Variants in YBEY observed in about 807,000 individuals in gnomAD.
YBEY encodes endoribonuclease YbeY.
YBEY carries 15 observed loss-of-function variants against 13.5 expected under a neutral mutation model. The ratio of observed to expected loss-of-function variants is 1.11; its 90% confidence interval spans 0.75 to 1.72. The LOEUF (loss-of-function observed/expected upper bound fraction) is 1.72, where lower values mean the gene tolerates loss of function less well. Among genes scored for constraint, YBEY ranks in the 40% most tolerant of loss-of-function variants. YBEY has a pLI of 0.00. For missense variants in YBEY, 244 were observed against 208.4 expected (o/e 1.17, Z -1.05); for synonymous variants, 101 against 83.1 (o/e 1.21, Z -1.17).
downstream of YBEY, chr21:46,297,799 C>T (rs1272976592): frequency 1.6e-6 from 2 of 1,221,546 alleles, no homozygotes; most frequent in Non-Finnish European, 2.0e-6. Flanking sequence ...GGTTCCGAGC[C>T]GTGGCATCGA....
At chr21:46,287,780 C>T (rs1245056863) in intron 2 of YBEY, among the ~76,000 whole-genome samples, 1 of 151,970 alleles carries the variant, frequency 6.6e-6, no homozygotes, top group Non-Finnish European at 1.5e-5. Context: ...CACCTGAGGT[C>T]AGGAGTTCGA....
intron 4 of YBEY, 58 bp from the exon 5 acceptor site, chr21:46,297,481 A>G (rs905800725): frequency 9.1e-6 from 12 of 1,317,540 alleles, no homozygotes; most frequent in Non-Finnish European, 1.2e-5. Flanking sequence ...AGGCGACCCC[A>G]GAGAGTGGGG....
rs28555547 is a variant in YBEY at position 46,292,520 on chromosome 21, C to T, written c.339+1058C>T. The stretch of plus-strand genomic sequence containing the variant: ...TAGATTAAATTCCTCCCGTGGTTAG[C>T]TTGGCCTGTGCCCGGGACTGAGTGG... On this transcript the variant is annotated intron_variant, in intron 3 of 4. Coordinates refer to ENST00000397701, the MANE Select transcript of YBEY (RefSeq NM_001314025.2). Among the ~76,000 whole-genome samples the T allele has an allele frequency of 3.3e-3, 506 of 151,844 alleles. 15 individuals are homozygous for T. The highest frequency in any genetic ancestry group is 5.5e-3 in the Non-Finnish European group (374 of 67,900).
chr21:46,291,308 T>A, intron 2 of YBEY, 26 bp from the exon 3 acceptor site: 2 of 1,613,526 alleles, frequency 1.2e-6, no homozygotes, highest in Non-Finnish European at 1.7e-6. Flanking sequence ...TCCTGTTCTC[T>A]AAGTCTACAT....
At chr21:46,295,859 C>T (rs940551730) in intron 3 of YBEY, among the ~76,000 whole-genome samples, 3 of 122,910 alleles carry the variant, frequency 2.4e-5, no homozygotes, top group Non-Finnish European at 5.0e-5. Context: ...TCTTCATATT[C>T]CATCCCCCCT....
chr21:46,297,732 A>G lies in YBEY; in HGVS notation c.*98A>G, dbSNP rs1415531698. The G allele has an allele frequency of 1.1e-5, 14 of 1,249,674 alleles. No homozygotes were observed. In the East Asian group the frequency reaches 4.1e-4, roughly 37 times the overall value. The allele number at this position is 1,249,674 out of a possible 1,614,324, so 77.4% of individuals were successfully genotyped here. On this transcript the variant is annotated 3_prime_UTR_variant, in exon 5 of 5. Coordinates refer to ENST00000397701, the MANE Select transcript of YBEY (RefSeq NM_001314025.2). ...AATAACGAATGAACGTACGAGGGGAACCTCCTCTTATTTCCTTCACGTTGC... is the reference window on the plus strand; with the variant it reads ...AATAACGAATGAACGTACGAGGGGAGCCTCCTCTTATTTCCTTCACGTTGC...
At chr21:46,311,119 G>A in the YBEY span, among the ~76,000 whole-genome samples, 1 of 151,976 alleles carries the variant, frequency 6.6e-6, no homozygotes, top group African/African-American at 2.4e-5. Context: ...TAATCCACCC[G>A]CCTCAGCCTC....
chr21:46,287,867 C>T (rs1446947665), intron 2 of YBEY, among the ~76,000 whole-genome samples: 1 of 151,738 alleles, frequency 6.6e-6, no homozygotes. Context: ...TTGTGCCGGG[C>T]GGGAGGTGGA....
At chr21:46,292,023 GGGAA>G in intron 3 of YBEY, 1 of 224,030 alleles carries the variant, frequency 4.5e-6, no homozygotes, top group Non-Finnish European at 7.5e-6. Context: ...GCAGGGGCTA[GGGAA>G]TGCCTGCTGC....
At chr21:46,287,370 G>T (rs13052233) in intron 2 of YBEY, among the ~76,000 whole-genome samples, 61,442 of 150,976 alleles carry the variant, frequency 0.41, 13,038 homozygotes, top group Admixed American at 0.48. Flanking sequence ...ATTTTTTTTT[G>T]TCAGTATTTT....
chr21:46,296,067 C>T, intron 3 of YBEY, 95 bp from the exon 4 acceptor site: 1 of 1,383,996 alleles, frequency 7.2e-7, no homozygotes, highest in Non-Finnish European at 1.0e-6. Flanking sequence ...GTCCTGCAGC[C>T]ACATACCAAG....
At chr21:46,289,079 C>G (rs1232001443) in intron 2 of YBEY, among the ~76,000 whole-genome samples, 1 of 152,190 alleles carries the variant, frequency 6.6e-6, no homozygotes, top group East Asian at 1.9e-4. Context: ...TCCTAAATAT[C>G]CAGCCATAGG....
At chr21:46,291,705 G>A (rs1307794323) in intron 3 of YBEY, 4 of 1,280,026 alleles carry the variant, frequency 3.1e-6, no homozygotes, top group Admixed American at 7.8e-5. Context: ...AGCCTTCTCA[G>A]CTTTTATCTC....
the YBEY span, among the ~76,000 whole-genome samples, chr21:46,303,659 A>G: frequency 7.2e-6 from 1 of 138,868 alleles, no homozygotes; most frequent in Non-Finnish European, 1.5e-5. Flanking sequence ...GACACCAGTC[A>G]TAGCAAGACC....
At chr21:46,298,819 G>C (rs1191897230), downstream of YBEY, among the ~76,000 whole-genome samples, 1 of 151,948 alleles carries the variant, frequency 6.6e-6, no homozygotes, top group Non-Finnish European at 1.5e-5. Flanking sequence ...CTGCCTCCTG[G>C]GCTCAAGCCA....
At chr21:46,313,163 G>A in the YBEY span, 34 of 572,468 alleles carry the variant, frequency 5.9e-5, no homozygotes, top group Middle Eastern at 2.6e-3. Flanking sequence ...CATGAAAGCA[G>A]CTACGGACAA....
At chr21:46,294,655 CCCG>C (rs1316787471) in intron 3 of YBEY, among the ~76,000 whole-genome samples, 4 of 119,346 alleles carry the variant, frequency 3.4e-5, no homozygotes, top group East Asian at 2.6e-4. Context: ...TTAAATTCCT[CCCG>C]CGGTTAGCCT....
At chr21:46,300,823 A>G, downstream of YBEY, 1 of 1,263,680 alleles carries the variant, frequency 7.9e-7, no homozygotes, top group Non-Finnish European at 1.0e-6. Flanking sequence ...AAGTTTATGT[A>G]TACTACTTAA....
rs1206554368 is a variant in YBEY, at chr21:46,297,577, C to T, written c.447C>T (p.Gly149=). 1 of 1,393,726 alleles carries T rather than the reference C, an allele frequency of 7.2e-7. No individual in the cohort carries two copies. Among genetic ancestry groups the T allele is most frequent in the East Asian group, 3.0e-5 (1 of 33,606 alleles). 86.3% of individuals were successfully genotyped at this position (1,393,726 alleles called of 1,614,324 possible). The change falls in exon 5 of 5, where the codon GGC becomes GGT. Residue 149 remains glycine (G), a synonymous_variant. Coordinates refer to ENST00000397701, the MANE Select transcript of YBEY (RefSeq NM_001314025.2). ...AGAAGGCGGTGCTGGACGAGCTGGG[C>T]CGACGCACGGGGACCCGGCTGCAGC... ...QKEKAVLDEL[G]RRTGTRLQPL...
Sources: gnomAD v4.1 joint callset for allele counts (sites outside exome capture counted in the v4.1 genomes callset) on GRCh38, gnomAD v4.1.1 for gene constraint, MANE v1.5 for transcripts, NCBI Gene and HGNC (gene_info 2026-07-23, HGNC 2026-07-21) for gene names.